The following CGNL1 variants were observed in gnomAD, a reference collection of about 807,000 sequenced individuals.
The protein encoded by CGNL1 is cingulin-like protein 1.
Under a neutral mutation model 141.2 loss-of-function variants are expected in CGNL1, and 132 were observed. The observed-to-expected ratio is 0.93, with a 90% confidence interval of 0.81 to 1.08. CGNL1 has a LOEUF of 1.08. Among genes scored for constraint, CGNL1 ranks in the 50% least tolerant of loss-of-function variants. The pLI, the probability that CGNL1 is intolerant of heterozygous loss-of-function variation, is 0.00. For synonymous variants in CGNL1, 690 were observed against 622.1 expected, an observed-to-expected ratio of 1.11 and a Z score of -1.63; for missense variants, 1,870 against 1,588.6, an observed-to-expected ratio of 1.18 and a Z score of -3.01.
intron 1 of CGNL1, among the ~76,000 whole-genome samples, chr15:57,435,419 T>G (rs2063094930): frequency 6.6e-6 from 1 of 151,328 alleles, no homozygotes; most frequent in Non-Finnish European, 1.5e-5. Context: ...TTTTTTGTTT[T>G]TTTTTTTTTC....
intron 14 of CGNL1, among the ~76,000 whole-genome samples, chr15:57,543,101 G>A (rs1022132081): frequency 6.6e-6 from 1 of 152,136 alleles, no homozygotes; most frequent in African/African-American, 2.4e-5. Context: ...AGTGTTACCA[G>A]GGCCATGCTG....
chr15:57,509,103 C>G (rs2029986689), intron 8 of CGNL1, among the ~76,000 whole-genome samples: 1 of 152,084 alleles, frequency 6.6e-6, no homozygotes, highest in Non-Finnish European at 1.5e-5. Context: ...TTATTGTGAC[C>G]CGGGCCCTAT....
chr15:57,476,214 G>A (rs534937327), intron 8 of CGNL1, among the ~76,000 whole-genome samples: 5 of 152,212 alleles, frequency 3.3e-5, no homozygotes, highest in African/African-American at 1.2e-4. Context: ...GTGTAGGCAG[G>A]CCAGGGCGGG....
intron 5 of CGNL1, 87 bp from the exon 6 acceptor site, chr15:57,452,054 T>C (rs1176621764): frequency 1.3e-5 from 15 of 1,173,634 alleles, no homozygotes; most frequent in East Asian, 2.4e-5. Context: ...TGCAAAGATA[T>C]GGAGTCTGCT....
chr15:57,397,280 A>G (rs1360325523), intron 1 of CGNL1, among the ~76,000 whole-genome samples: 1 of 152,162 alleles, frequency 6.6e-6, no homozygotes, highest in Non-Finnish European at 1.5e-5. Flanking sequence ...TAGAGAGCCA[A>G]TGTTGCTATG....
At chr15:57,411,050 C>A (rs909268925) in intron 1 of CGNL1, among the ~76,000 whole-genome samples, 6 of 151,992 alleles carry the variant, frequency 3.9e-5, no homozygotes, top group Non-Finnish European at 4.4e-5. Context: ...GAAGGTCTTA[C>A]TAAAATTTAT....
intron 1 of CGNL1, among the ~76,000 whole-genome samples, chr15:57,408,608 G>A (rs1334630172): frequency 1.3e-5 from 2 of 152,088 alleles, no homozygotes; most frequent in African/African-American, 2.4e-5. Context: ...CTGGCCTCAA[G>A]CAGTCCTTCC....
chr15:57,544,234 T>C (rs1389889078), intron 15 of CGNL1, among the ~76,000 whole-genome samples: 1 of 152,212 alleles, frequency 6.6e-6, no homozygotes, highest in Non-Finnish European at 1.5e-5. Context: ...TGGCAAAGGT[T>C]TCATTCAGGC....
intron 1 of CGNL1, chr15:57,377,154 G>C (rs2062372962): frequency 6.6e-6 from 1 of 152,140 alleles, no homozygotes; most frequent in African/African-American, 2.4e-5. Flanking sequence ...TCACTGTTTG[G>C]CCTCTAGACA....
At position 57,474,153 on chromosome 15, in the gene CGNL1, C is replaced by T. The variant is rs185263180; in HGVS notation, c.2403+12261C>T. Among the ~76,000 whole-genome samples, 39 of 152,178 alleles carry T rather than the reference C, an allele frequency of 2.6e-4. 1 individual carries two copies. In the East Asian group the frequency reaches 7.2e-3, roughly 28 times the overall value. ...CTCGAACTCTTAACCTCAGGTGATT[C>T]ACCCACCTTGGTCTCCCAAAGTTCT... On this transcript the variant is annotated intron_variant, in intron 8 of 18. Transcript: ENST00000281282.
rs2032848321 is a variant in CGNL1 at position 57,546,067 on chromosome 15, C to G, written c.3610-9C>G. The G allele has an allele frequency of 6.2e-7, 1 of 1,610,276 alleles. No individual in the cohort carries two copies. The highest frequency in any genetic ancestry group is 1.3e-5 in the African/African-American group (1 of 74,986). On this transcript the variant is annotated splice_polypyrimidine_tract_variant and intron_variant, in intron 17 of 18. Coordinates refer to ENST00000281282, the MANE Select transcript of CGNL1 (RefSeq NM_032866.5). ...GCCGGCACTCAGCCCACATTCTCTCCCGGTGCAGCTGAGCTTGCGTTTGAA... is the reference window on the plus strand; with the variant it reads ...GCCGGCACTCAGCCCACATTCTCTCGCGGTGCAGCTGAGCTTGCGTTTGAA...
chr15:57,378,947 G>A (rs2062396521), intron 1 of CGNL1, among the ~76,000 whole-genome samples: 1 of 152,196 alleles, frequency 6.6e-6, no homozygotes, highest in South Asian at 2.1e-4. Context: ...GCTTGAAATG[G>A]AGGTTACATG....
intron 8 of CGNL1, chr15:57,478,435 CTCAAG>C (rs1305831736): frequency 6.6e-6 from 1 of 152,210 alleles, no homozygotes; most frequent in Non-Finnish European, 1.5e-5. Context: ...GTTAAACATC[CTCAAG>C]TCAACAGCAC....
rs1175063687 is a variant in CGNL1 at position 57,484,101 on chromosome 15, G to C, written c.2403+22209G>C. Among the ~76,000 whole-genome samples, 7 of 151,974 alleles carry C rather than the reference G, an allele frequency of 4.6e-5. 1 individual carries two copies. Among genetic ancestry groups the C allele is most frequent in the Admixed American group, 4.6e-4 (7 of 15,266 alleles). On this transcript the variant is annotated intron_variant, in intron 8 of 18. Coordinates refer to ENST00000281282, the MANE Select transcript of CGNL1 (RefSeq NM_032866.5). ...AGGATACTATTTGGATTTTGATATT[G>C]AATAATACTGACATCATTAAATGAG...
chr15:57,483,678 C>T (rs911591810), intron 8 of CGNL1, among the ~76,000 whole-genome samples: 1 of 152,080 alleles, frequency 6.6e-6, no homozygotes, highest in Non-Finnish European at 1.5e-5. Flanking sequence ...GCAGGTATCC[C>T]AGCCTTAGTC....
chr15:57,412,592 A>C (rs1321959213), intron 1 of CGNL1, among the ~76,000 whole-genome samples: 1 of 152,090 alleles, frequency 6.6e-6, no homozygotes, highest in African/African-American at 2.4e-5. Context: ...CCTCCACCTC[A>C]TGGGGAACTC....
intron 1 of CGNL1, among the ~76,000 whole-genome samples, chr15:57,435,317 A>G (rs2063092924): frequency 1.3e-5 from 2 of 151,910 alleles, no homozygotes; most frequent in Non-Finnish European, 2.9e-5. Flanking sequence ...TATCCACCCT[A>G]TGTAGAACCA....
intron 3 of CGNL1, among the ~76,000 whole-genome samples, 185 bp from the exon 4 acceptor site, chr15:57,442,182 GAAAAAA>G (rs61564944): frequency 1.6e-4 from 15 of 96,510 alleles, no homozygotes; most frequent in African/African-American, 4.7e-4. Flanking sequence ...TCATTTATTT[GAAAAAA>G]AAAAAAAAAA....
chr15:57,421,225 G>T (rs1357888157), intron 1 of CGNL1, among the ~76,000 whole-genome samples: 1 of 152,194 alleles, frequency 6.6e-6, no homozygotes, highest in Non-Finnish European at 1.5e-5. Flanking sequence ...TGGCACCTTG[G>T]TCTTGGACTT....
Sources: allele counts gnomAD v4.1 joint callset (sites outside exome capture counted in the v4.1 genomes callset), GRCh38; gene constraint gnomAD v4.1.1; transcripts MANE v1.5; gene names NCBI Gene and HGNC (gene_info 2026-07-23, HGNC 2026-07-21).